The following MEI1 variants were observed in gnomAD, a reference collection of about 807,000 sequenced individuals.
MEI1 encodes the protein meiosis inhibitor protein 1.
In MEI1, 103 loss-of-function variants were observed where a neutral mutation model predicts 146.2. The observed-to-expected ratio is 0.70, with a 90% confidence interval of 0.60 to 0.83. The LOEUF (loss-of-function observed/expected upper bound fraction) is 0.83, where lower values mean the gene tolerates loss of function less well. Ranked by LOEUF, MEI1 falls within the 40% of genes least tolerant of loss-of-function variation. The probability of loss-of-function intolerance (pLI) is 0.00; values close to 1 mark genes in which losing one functional copy is unlikely to be tolerated. For synonymous variants in MEI1, 652 were observed against 628.2 expected, an observed-to-expected ratio of 1.04 and a Z score of -0.57; for missense variants, 1,529 against 1,533.0, an observed-to-expected ratio of 1.00 and a Z score of 0.04.
At chr22:41,745,824 C>T in intron 13 of MEI1, 61 bp from the exon 14 acceptor site, 1 of 1,486,952 alleles carries the variant, frequency 6.7e-7, no homozygotes, top group Non-Finnish European at 9.1e-7. Flanking sequence ...CCCCAGGAAG[C>T]TGTTTGTAAC....
At position 41,763,213 on chromosome 22, in the gene MEI1, C is replaced by T; in HGVS notation, c.2160C>T (p.Ser720=). ...CAGAGTTATTTGAGGCTGTGCAAAG[C>T]TTCCTCCTGTCGCTGCAGGACCAGG... ...SEAELFEAVQ[S]FLLSLQDQGE... Residue 720 remains serine, a synonymous_variant, in exon 19 of 31, where the codon AGC becomes AGT. Coordinates refer to ENST00000401548, the MANE Select transcript of MEI1 (RefSeq NM_152513.4). 6.2e-7 allele frequency: 1 copy of T among 1,613,988 alleles called. No individual in the cohort carries two copies. Among genetic ancestry groups the T allele is most frequent in the Non-Finnish European group, 8.5e-7 (1 of 1,179,870 alleles).
intron 11 of MEI1, among the ~76,000 whole-genome samples, chr22:41,733,729 C>T (rs2072069597): frequency 6.6e-6 from 1 of 152,104 alleles, no homozygotes; most frequent in Non-Finnish European, 1.5e-5. Context: ...GAGCAAGGCT[C>T]TGTCTCAAAA....
In MEI1 at chr22:41,781,696, C is replaced by G. The variant is rs1488333194; in HGVS notation, c.2938C>G (p.Leu980Val). 1 of 1,613,362 alleles carries G rather than the reference C, an allele frequency of 6.2e-7. No homozygotes were observed. The highest frequency in any genetic ancestry group is 1.7e-5 in the Admixed American group (1 of 60,020). Reference protein sequence around the residue: ...PSSQKRAAAVLLSSTGLMELL... With the variant: ...PSSQKRAAAVVLSSTGLMELL... Reference sequence around the variant, plus strand: ...CCCACCCCCGACAGCTGCTGCAGTGCTCCTGAGCAGCACAGGCCTGATGGA... The same window carrying G: ...CCCACCCCCGACAGCTGCTGCAGTGGTCCTGAGCAGCACAGGCCTGATGGA... The change falls in exon 24 of 31, where the codon CTC (leucine) becomes GTC (valine). Residue 980 changes from leucine to valine, a missense_variant. Leu to Val is a conservative substitution (Grantham distance 32). This residue lies in a region of MEI1 where 4 missense variants were observed against 16.8 expected (regional missense o/e 0.24). Transcript: ENST00000401548.
chr22:41,753,131 G>C (rs193224410), intron 16 of MEI1, among the ~76,000 whole-genome samples: 1 of 151,584 alleles, frequency 6.6e-6, no homozygotes, highest in South Asian at 2.1e-4. Context: ...CAATTCTCCT[G>C]CCTCAGCACC....
rs2075884311 is a variant in MEI1, at chr22:41,784,597, C to T, written c.3170-11C>T. ...GACAGGAATTGGGTGTAAGGAATCT[C>T]CTGCTTCCAGCTGCCATCTTATGCT... On this transcript the variant is annotated splice_polypyrimidine_tract_variant and intron_variant, in intron 25 of 30. Transcript: ENST00000401548. 3 of 1,610,584 alleles carry T rather than the reference C, an allele frequency of 1.9e-6. No individual in the cohort carries two copies. Among genetic ancestry groups the T allele is most frequent in the South Asian group, 1.1e-5 (1 of 91,012 alleles).
rs2069108927 is a variant in MEI1, at chr22:41,706,541, A to T, written c.349+987A>T. On this transcript the variant is annotated intron_variant, in intron 3 of 30. Coordinates refer to ENST00000401548, the MANE Select transcript of MEI1 (RefSeq NM_152513.4). ...GGTTCATTGAAAGTTGTCTGCACAC[A>T]GATGGTGGTTAAAACTGTTGAAGTG... is the stretch of plus-strand genomic sequence containing the variant. 2.6e-5 allele frequency among the ~76,000 whole-genome samples: 4 copies of T among 152,126 alleles called. No individual in the cohort carries two copies. The South Asian group carries it at 8.3e-4, about 31-fold the overall frequency.
At position 41,772,657 on chromosome 22, in the gene MEI1, A is replaced by G. The variant is rs528615887; in HGVS notation, c.2544+1696A>G. ...TTAAATACATGAAACATAGGCTTAG[A>G]GAGATTTGCCCATGGTCACAAGAGT... is the stretch of plus-strand genomic sequence containing the variant. On this transcript the variant is annotated intron_variant, in intron 20 of 30. Transcript: ENST00000401548. Among the ~76,000 whole-genome samples, 258 of 152,324 alleles carry G rather than the reference A, an allele frequency of 1.7e-3. 4 individuals carry two copies. The South Asian group carries it at 0.052, about 31-fold the overall frequency.
At chr22:41,716,830 C>T (rs1258834586) in intron 5 of MEI1, among the ~76,000 whole-genome samples, 2 of 151,808 alleles carry the variant, frequency 1.3e-5, no homozygotes, top group Non-Finnish European at 2.9e-5. Flanking sequence ...GCTTGGACTA[C>T]AGGCGCCTGC....
chr22:41,778,727 G>T lies in MEI1; in HGVS notation c.2730G>T (p.Leu910Phe), dbSNP rs1319966404. The T allele has an allele frequency of 6.2e-7, 1 of 1,606,402 alleles. No individual in the cohort carries two copies. The highest frequency in any genetic ancestry group is 1.1e-5 in the South Asian group (1 of 89,170). Residue 910 changes from leucine (L) to phenylalanine (F), a missense_variant, in exon 22 of 31, where the codon TTG becomes TTT. By Grantham distance (22) the Leu-to-Phe change is conservative. Coordinates refer to ENST00000401548, the MANE Select transcript of MEI1 (RefSeq NM_152513.4). ...SPSGASGNLP[L>F]LLSLLSLMQL... ...TCACAGCCTCGGGGAACCTACCATT[G>T]CTGCTGAGCCTCCTCTCCCTGATGC...
chr22:41,733,267 A>G (rs2090005224), intron 11 of MEI1, among the ~76,000 whole-genome samples: 1 of 151,474 alleles, frequency 6.6e-6, no homozygotes, highest in Non-Finnish European at 1.5e-5. Flanking sequence ...CCTGGGCAAC[A>G]CAACAGAACC....
chr22:41,789,965 C>G (rs17002679), intron 26 of MEI1, among the ~76,000 whole-genome samples: 10,140 of 152,236 alleles, frequency 0.067, 1,087 homozygotes, highest in African/African-American at 0.23. Flanking sequence ...CGAGAAATTT[C>G]CTGGCCTTCT....
Position 41,716,136 on chromosome 22 carries a change from A to G in MEI1, c.519A>G (p.Val173=), listed in dbSNP as rs967829114. The change falls in exon 5 of 31, where the codon GTA becomes GTG. Residue 173 remains valine, a synonymous_variant. Transcript: ENST00000401548. ...DAIPALADEL[V]MEHGNLMEHL... is the part of the protein sequence containing the mutation. ...TCCCTGCTCTGGCAGACGAGCTTGT[A>G]ATGGAGCATGGTGAGTGACCTGTGG... is the stretch of plus-strand genomic sequence containing the variant. 6.2e-7 allele frequency: 1 copy of G among 1,606,808 alleles called. No homozygotes were observed. Among genetic ancestry groups the G allele is most frequent in the Admixed American group, 1.7e-5 (1 of 59,146 alleles).
intron 11 of MEI1, among the ~76,000 whole-genome samples, chr22:41,734,173 G>A (rs2072118661): frequency 6.7e-6 from 1 of 148,284 alleles, no homozygotes; most frequent in African/African-American, 2.6e-5. Context: ...TATGCTGGAG[G>A]ATGTGCATAG....
intron 26 of MEI1, among the ~76,000 whole-genome samples, chr22:41,787,112 C>A (rs2076016903): frequency 1.3e-5 from 2 of 152,324 alleles, no homozygotes; most frequent in Non-Finnish European, 2.9e-5. Context: ...ATTCCCCCAA[C>A]CAGGCTGTGA....
chr22:41,794,717 G>T (rs2076303938), intron 28 of MEI1, among the ~76,000 whole-genome samples: 1 of 152,190 alleles, frequency 6.6e-6, no homozygotes, highest in South Asian at 2.1e-4. Context: ...ACCAGGGCCT[G>T]TCTACCACAT....
chr22:41,716,038 T>C lies in MEI1; in HGVS notation c.424-3T>C, dbSNP rs2070115538. On this transcript the variant is annotated splice_region_variant and splice_polypyrimidine_tract_variant and intron_variant, in intron 4 of 30. Coordinates refer to ENST00000401548, the MANE Select transcript of MEI1 (RefSeq NM_152513.4). ...CAGAATGGAGCATATTCACTTTCTG[T>C]AGCTGTGTAACATGCCCTCCATGCG... 1.2e-6 allele frequency: 2 copies of C among 1,602,364 alleles called. No individual in the cohort carries two copies. The highest frequency in any genetic ancestry group is 2.7e-5 in the African/African-American group (2 of 74,878).
intron 3 of MEI1, chr22:41,709,353 AG>A: frequency 1.3e-6 from 1 of 741,840 alleles, no homozygotes; most frequent in Non-Finnish European, 2.5e-6. Context: ...TCTTCTTTGC[AG>A]GGGCCTTTTT....
At chr22:41,771,172 G>A (rs2075161702) in intron 20 of MEI1, among the ~76,000 whole-genome samples, 1 of 152,178 alleles carries the variant, frequency 6.6e-6, no homozygotes, top group Admixed American at 6.5e-5. Context: ...TCTAATGGAA[G>A]TCTACCAACT....
chr22:41,791,469 C>T (rs748471872), intron 26 of MEI1, among the ~76,000 whole-genome samples: 3 of 152,158 alleles, frequency 2.0e-5, no homozygotes, highest in Non-Finnish European at 4.4e-5. Flanking sequence ...GCCTGGGTGA[C>T]AGAGTGAGAC....
Sources: gnomAD v4.1 joint callset for allele counts (sites outside exome capture counted in the v4.1 genomes callset) on GRCh38, gnomAD v4.1.1 for gene constraint, gnomAD v4.1.1 regional missense constraint, MANE v1.5 for transcripts, NCBI Gene and HGNC (gene_info 2026-07-23, HGNC 2026-07-21) for gene names.